The following BABAM1 variants were observed in gnomAD, a reference collection of about 807,000 sequenced individuals.
BABAM1 encodes BRISC and BRCA1 A complex member 1.
Under a neutral mutation model 34.4 loss-of-function variants are expected in BABAM1, and 14 were observed. The observed-to-expected ratio is 0.41, with a 90% CI of 0.27 to 0.64. The LOEUF (loss-of-function observed/expected upper bound fraction) is 0.64, where lower values mean the gene tolerates loss of function less well. Ranked by LOEUF, BABAM1 falls within the 30% of genes least tolerant of loss-of-function variation. The probability of loss-of-function intolerance (pLI) is 0.34; values close to 1 mark genes in which losing one functional copy is unlikely to be tolerated. For missense variants in BABAM1, 393 were observed against 434.0 expected, an observed-to-expected ratio of 0.91 and a Z score of 0.84; for synonymous variants, 169 against 165.8, an observed-to-expected ratio of 1.02 and a Z score of -0.15.
chr19:17,271,064 C>G (rs146948466), intron 2 of BABAM1, among the ~76,000 whole-genome samples: 18 of 151,594 alleles, frequency 1.2e-4, no homozygotes, highest in African/African-American at 4.1e-4. Context: ...TCAGGGCTCA[C>G]TGCAACCTCC....
chr19:17,269,502 C>T (rs947814873), intron 2 of BABAM1, among the ~76,000 whole-genome samples: 1 of 151,642 alleles, frequency 6.6e-6, no homozygotes, highest in Non-Finnish European at 1.5e-5. Context: ...AAGTGCCCAC[C>T]ACAACGCCCG....
At chr19:17,275,427 A>G (rs2073896772) in intron 5 of BABAM1, among the ~76,000 whole-genome samples, 2 of 152,164 alleles carry the variant, frequency 1.3e-5, no homozygotes, top group South Asian at 4.1e-4. Flanking sequence ...AGTAGCTGGG[A>G]TTACAGACAT....
chr19:17,272,607 G>A (rs535712551), intron 3 of BABAM1, among the ~76,000 whole-genome samples: 9 of 151,638 alleles, frequency 5.9e-5, no homozygotes, highest in Admixed American at 3.9e-4. Context: ...GGGTTTCACC[G>A]TGTTAGCCAG....
intron 3 of BABAM1, among the ~76,000 whole-genome samples, chr19:17,273,566 T>TTTTTTTTTTTTG (rs1568334573): frequency 9.4e-5 from 10 of 106,738 alleles, no homozygotes; most frequent in African/African-American, 3.9e-4. Flanking sequence ...TTTGTTTTGT[T>TTTTTTTTTTTTG]TTTTTTTTTT....
intron 1 of BABAM1, among the ~76,000 whole-genome samples, chr19:17,267,821 C>A (rs949366922): frequency 1.8e-4 from 27 of 152,186 alleles, no homozygotes; most frequent in African/African-American, 5.1e-4. Context: ...TTTGCTTCTC[C>A]CTCATGCAGA....
intron 3 of BABAM1, among the ~76,000 whole-genome samples, chr19:17,272,974 C>T (rs917119552): frequency 1.3e-5 from 2 of 151,864 alleles, no homozygotes; most frequent in Non-Finnish European, 1.5e-5. Context: ...GCCAAGATCG[C>T]GCCATTGCAC....
chr19:17,277,167 C>T (rs2073919561), intron 8 of BABAM1: 1 of 387,408 alleles, frequency 2.6e-6, no homozygotes, highest in Non-Finnish European at 4.5e-6. Flanking sequence ...GCGTTCCTTT[C>T]TTTCTTGCTT....
Position 17,274,350 on chromosome 19 carries a change from C to T in BABAM1, c.544+165C>T, listed in dbSNP as rs924118222. On this transcript the variant is annotated intron_variant, in intron 5 of 8. Transcript: ENST00000598188. ...CTGAGCCTCAGTTTCCCCATCTGTA[C>T]TGTGGAAGGCACAAAGTTGCCTACC... 4 of 849,088 alleles carry T rather than the reference C, an allele frequency of 4.7e-6. No homozygotes were observed. The African/African-American group carries it at 6.8e-5, about 14-fold the overall frequency. The allele number at this position is 849,088 out of a possible 1,614,324, so 52.6% of individuals were successfully genotyped here.
Position 17,276,592 on chromosome 19 carries a change from C to T in BABAM1, c.667C>T (p.Gln223Ter). ...TILVYSRPPC[Q>*]PQFSLTEPMK... ...CCTTGTCTACAGCCGTCCACCTTGC[C>T]AGCCCCAGTTCTCCTTGACGGAGCC... Residue 223 changes from glutamine (Q) to a stop codon, truncating the protein, a stop_gained, in exon 7 of 9, where the codon CAG becomes TAG. Coordinates refer to ENST00000598188, the MANE Select transcript of BABAM1 (RefSeq NM_014173.4). LOFTEE classifies it high-confidence loss of function. 1 of 1,606,808 alleles carries T rather than the reference C, an allele frequency of 6.2e-7. No homozygotes were observed. Among genetic ancestry groups the T allele is most frequent in the East Asian group, 2.2e-5 (1 of 44,560 alleles).
intron 3 of BABAM1, among the ~76,000 whole-genome samples, chr19:17,272,822 G>A (rs2073858173): frequency 6.6e-6 from 1 of 152,086 alleles, no homozygotes; most frequent in Non-Finnish European, 1.5e-5. Flanking sequence ...TTCGAGACCA[G>A]CCTGGCCGAC....
At position 17,268,972 on chromosome 19, in the gene BABAM1, G is replaced by T. The variant is rs758868685; in HGVS notation, c.166G>T (p.Ala56Ser). ...CCGCAGCGAGGGTGAGGGTGAGGCC[G>T]CCAGTGCTGATGATGGGAGCCTCAA... ...GSRSEGEGEAASADDGSLNTS... is the reference protein window; with the variant it reads ...GSRSEGEGEASSADDGSLNTS... The change falls in exon 2 of 9, where the codon GCC (alanine) becomes TCC (serine). Residue 56 changes from alanine to serine, a missense_variant. Ala to Ser is a moderately conservative substitution (Grantham distance 99). Coordinates refer to ENST00000598188, the MANE Select transcript of BABAM1 (RefSeq NM_014173.4). The T allele has an allele frequency of 6.3e-7, 1 of 1,576,354 alleles. No individual in the cohort carries two copies. Among genetic ancestry groups the T allele is most frequent in the Middle Eastern group, 2.1e-4 (1 of 4,768 alleles).
intron 5 of BABAM1, 138 bp from the exon 6 acceptor site, chr19:17,275,662 AG>A (rs1568335605): frequency 1.3e-5 from 13 of 1,018,660 alleles, no homozygotes; most frequent in Non-Finnish European, 1.7e-5. Context: ...TTTGTGTGTC[AG>A]AGAGGGCAAG....
At chr19:17,269,348 CT>C (rs71334696) in intron 2 of BABAM1, among the ~76,000 whole-genome samples, 1,298 of 123,008 alleles carry the variant, frequency 0.011, 14 homozygotes, top group African/African-American at 0.036. Context: ...TTTTGTCTGT[CT>C]TTTTTTTTTT....
At chr19:17,272,561 C>T (rs188765196) in intron 3 of BABAM1, among the ~76,000 whole-genome samples, 13 of 151,740 alleles carry the variant, frequency 8.6e-5, no homozygotes, top group East Asian at 2.0e-4. Flanking sequence ...CCTGCCACCA[C>T]GCCTGGCTAA....
At chr19:17,273,869 G>A (rs1384270860) in intron 3 of BABAM1, 35 bp from the exon 4 acceptor site, 2 of 1,568,506 alleles carry the variant, frequency 1.3e-6, no homozygotes, top group Non-Finnish European at 1.7e-6. Context: ...GGCCCTGAGG[G>A]AACCTTAATT....
chr19:17,278,003 T>G (rs58092323), intron 8 of BABAM1, among the ~76,000 whole-genome samples: 4 of 151,528 alleles, frequency 2.6e-5, no homozygotes, highest in Non-Finnish European at 5.9e-5. Context: ...GGAGAAACCC[T>G]GTCTCTACTA....
At chr19:17,275,659 G>A (rs1358050460) in intron 5 of BABAM1, 142 bp from the exon 6 acceptor site, 2 of 990,128 alleles carry the variant, frequency 2.0e-6, no homozygotes, top group Non-Finnish European at 3.2e-6. Context: ...GAATTTGTGT[G>A]TCAGAGAGGG....
intron 2 of BABAM1, among the ~76,000 whole-genome samples, chr19:17,270,327 T>C (rs988180946): frequency 1.3e-5 from 2 of 150,984 alleles, no homozygotes; most frequent in Non-Finnish European, 3.0e-5. Flanking sequence ...GGATTACAGG[T>C]GTTAGCCACC....
At position 17,279,197 on chromosome 19, in the gene BABAM1, G is replaced by A; in HGVS notation, c.*149G>A. ...GCAGGGTCCTAGGAGGGAAACCCAG[G>A]ATTCCAGGAGGGATCCCAGGAACTG... On this transcript the variant is annotated 3_prime_UTR_variant, in exon 9 of 9. Coordinates refer to ENST00000598188, the MANE Select transcript of BABAM1 (RefSeq NM_014173.4). 1 of 729,716 alleles carries A rather than the reference G, an allele frequency of 1.4e-6. No homozygotes were observed. The highest frequency in any genetic ancestry group is 2.8e-5 in the East Asian group (1 of 35,210). The allele number at this position is 729,716 out of a possible 1,614,324, so 45.2% of individuals were successfully genotyped here.
Sources: gnomAD v4.1 joint callset for allele counts (sites outside exome capture counted in the v4.1 genomes callset) on GRCh38, gnomAD v4.1.1 for gene constraint, MANE v1.5 for transcripts, NCBI Gene and HGNC (gene_info 2026-07-23, HGNC 2026-07-21) for gene names.